The following ARID4B variants were observed in gnomAD, a reference collection of about 807,000 sequenced individuals.
ARID4B encodes the protein AT-rich interaction domain 4B.
In ARID4B, 26 loss-of-function variants were observed where a neutral mutation model predicts 147.5. The ratio of observed to expected loss-of-function variants is 0.18; its 90% CI spans 0.13 to 0.24. The LOEUF (loss-of-function observed/expected upper bound fraction) is 0.24, where lower values mean the gene tolerates loss of function less well. Ranked by LOEUF, ARID4B falls within the 10% of genes least tolerant of loss-of-function variation. The pLI, the probability that ARID4B is intolerant of heterozygous loss-of-function variation, is 1.00. For missense variants in ARID4B, 1,179 were observed against 1,511.5 expected (o/e 0.78, Z 3.65); for synonymous variants, 512 against 507.9 (o/e 1.01, Z -0.11).
intron 22 of ARID4B, among the ~76,000 whole-genome samples, chr1:235,173,742 T>TAAAAAAAA (rs755815257): frequency 3.8e-5 from 1 of 26,262 alleles, no homozygotes; most frequent in Non-Finnish European, 6.3e-5. Flanking sequence ...CGTCTCTATT[T>TAAAAAAAA]AAAAAAAAAA....
intron 18 of ARID4B, among the ~76,000 whole-genome samples, chr1:235,194,572 G>T (rs924371434): frequency 2.0e-5 from 3 of 152,252 alleles, no homozygotes; most frequent in African/African-American, 7.2e-5. Context: ...TGTAATCCCA[G>T]CACTTTGGGA....
At position 235,239,191 on chromosome 1, in the gene ARID4B, C is replaced by T. The variant is rs866021040; in HGVS notation, c.585+1122G>A. On this transcript the variant is annotated intron_variant, in intron 8 of 23. Transcript: ENST00000264183. ...TTTGCCCTGTTGGCCAGGCTGGTCT[C>T]GAACTCCTGACCTCAGGGGATTTGC... Among the ~76,000 whole-genome samples the T allele has an allele frequency of 1.2e-4, 18 of 152,074 alleles. No homozygotes were observed. The Middle Eastern group carries it at 0.02, about 172-fold the overall frequency.
At chr1:235,264,531 C>A (rs1017330948) in intron 2 of ARID4B, among the ~76,000 whole-genome samples, 36 of 152,184 alleles carry the variant, frequency 2.4e-4, no homozygotes, top group African/African-American at 8.4e-4. Context: ...ACTCCTTACA[C>A]CAACTAGATG....
chr1:235,289,156 G>C (rs539909130), intron 2 of ARID4B, among the ~76,000 whole-genome samples: 2 of 152,142 alleles, frequency 1.3e-5, no homozygotes, highest in Non-Finnish European at 2.9e-5. Context: ...CTGGCCAAAA[G>C]TCCAGCTAAA....
At chr1:235,276,769 A>AG (rs1045180808) in intron 2 of ARID4B, among the ~76,000 whole-genome samples, 1 of 152,002 alleles carries the variant, frequency 6.6e-6, no homozygotes, top group African/African-American at 2.4e-5. Flanking sequence ...AGGCCGAAGC[A>AG]GGGGGGATCA....
intron 9 of ARID4B, among the ~76,000 whole-genome samples, chr1:235,232,313 G>C (rs570689829): frequency 3.9e-5 from 6 of 152,048 alleles, no homozygotes; most frequent in African/African-American, 4.8e-5. Flanking sequence ...CCAGCTACTC[G>C]AGAGGCTGAG....
intron 2 of ARID4B, among the ~76,000 whole-genome samples, chr1:235,282,905 C>T (rs921789338): frequency 3.3e-5 from 5 of 152,242 alleles, no homozygotes; most frequent in South Asian, 4.1e-4. Flanking sequence ...CTCAGCCTCC[C>T]GAGTAGTTGG....
At chr1:235,219,383 A>G (rs1426359264) in intron 16 of ARID4B, among the ~76,000 whole-genome samples, 2 of 152,146 alleles carry the variant, frequency 1.3e-5, no homozygotes, top group Non-Finnish European at 2.9e-5. Flanking sequence ...AGAACATACA[A>G]TTTTTGGCCT....
chr1:235,236,655 A>G (rs1295831254), intron 8 of ARID4B, among the ~76,000 whole-genome samples: 2 of 149,688 alleles, frequency 1.3e-5, no homozygotes, highest in African/African-American at 4.9e-5. Flanking sequence ...CTGGGATTAT[A>G]GGCTCCCGCC....
At chr1:235,173,764 AAAAAAAAATATATATATATATATATATAT>A (rs1663582000) in intron 22 of ARID4B, among the ~76,000 whole-genome samples, 1 of 50,882 alleles carries the variant, frequency 2.0e-5, no homozygotes, top group African/African-American at 1.1e-4. Context: ...AAAAAAAAAA[AAAAAAAAATATATATATATATATATATAT>A]ATATATATAT....
rs1162408298 is a variant in ARID4B at position 235,252,917 on chromosome 1, A to T, written c.275-108T>A. 7 of 751,788 alleles carry T rather than the reference A, an allele frequency of 9.3e-6. No homozygotes were observed. In the Admixed American group the frequency reaches 1.9e-4, roughly 20 times the overall value. 46.6% of individuals were successfully genotyped at this position (751,788 alleles called of 1,614,324 possible). On this transcript the variant is annotated intron_variant, in intron 5 of 23. Transcript: ENST00000264183. The stretch of plus-strand genomic sequence containing the variant: ...GCAAACAGATCTACTATTTAAGACT[A>T]CATTTGGAATTCAATTCACATTTTA...
chr1:235,233,127 G>A (rs758025145), intron 9 of ARID4B, among the ~76,000 whole-genome samples: 3 of 152,216 alleles, frequency 2.0e-5, no homozygotes, highest in East Asian at 1.9e-4. Flanking sequence ...GTGAGCCACC[G>A]CGCCCAGCCT....
intron 2 of ARID4B, 102 bp from the exon 3 acceptor site, chr1:235,260,854 T>C (rs1359116908): frequency 2.7e-6 from 2 of 746,168 alleles, no homozygotes; most frequent in East Asian, 2.9e-5. Flanking sequence ...ACAACAGTTA[T>C]AAATATGAAA....
chr1:235,238,380 T>C (rs1027706180), intron 8 of ARID4B, among the ~76,000 whole-genome samples: 1 of 152,214 alleles, frequency 6.6e-6, no homozygotes, highest in Non-Finnish European at 1.5e-5. Flanking sequence ...TAATTATTTT[T>C]AGTAAGGGAG....
At chr1:235,278,764 T>C (rs1342093099) in intron 2 of ARID4B, among the ~76,000 whole-genome samples, 2 of 152,212 alleles carry the variant, frequency 1.3e-5, no homozygotes, top group Non-Finnish European at 2.9e-5. Flanking sequence ...AAGTCTTCAA[T>C]TGTCCTACCA....
In ARID4B at chr1:235,183,126, A is replaced by G. The variant is rs191199012; in HGVS notation, c.2126-333T>C. Among the ~76,000 whole-genome samples, 318 of 152,228 alleles carry G rather than the reference A, an allele frequency of 2.1e-3. 2 individuals are homozygous for G. The highest frequency in any genetic ancestry group is 7.3e-3 in the African/African-American group (301 of 41,510). Reference sequence around the variant, plus strand: ...AAGAAAAAAGCTTCTCCAAGTTTATATAAGTATAATATTTTTATCATAATA... The same window carrying G: ...AAGAAAAAAGCTTCTCCAAGTTTATGTAAGTATAATATTTTTATCATAATA... On this transcript the variant is annotated intron_variant, in intron 19 of 23. Transcript: ENST00000264183.
rs563834959 is a variant in ARID4B at position 235,199,611 on chromosome 1, G to A, written c.1842-3496C>T. Among the ~76,000 whole-genome samples the A allele has an allele frequency of 2.1e-3, 316 of 152,282 alleles. 1 individual carries two copies. Among genetic ancestry groups the A allele is most frequent in the African/African-American group, 7.5e-3 (312 of 41,578 alleles). On this transcript the variant is annotated intron_variant, in intron 17 of 23. Transcript: ENST00000264183. ...GAAAAGATTCTAACACGAAAATAACGGTAGGGGGCATTCCAGGCCCTATTC... is the reference window on the plus strand; with the variant it reads ...GAAAAGATTCTAACACGAAAATAACAGTAGGGGGCATTCCAGGCCCTATTC...
intron 17 of ARID4B, among the ~76,000 whole-genome samples, chr1:235,213,417 T>C (rs1309744795): frequency 6.6e-6 from 1 of 152,208 alleles, no homozygotes; most frequent in Non-Finnish European, 1.5e-5. Context: ...AAGAGGTTAC[T>C]GTGGCAATGT....
At chr1:235,274,143 C>G (rs1671161129) in intron 2 of ARID4B, among the ~76,000 whole-genome samples, 1 of 151,806 alleles carries the variant, frequency 6.6e-6, no homozygotes, top group South Asian at 2.1e-4. Flanking sequence ...GAGGCCAAGG[C>G]AGGTGGATCA....
Sources: gnomAD v4.1 joint callset for allele counts (sites outside exome capture counted in the v4.1 genomes callset) on GRCh38, gnomAD v4.1.1 for gene constraint, MANE v1.5 for transcripts, NCBI Gene and HGNC (gene_info 2026-07-23, HGNC 2026-07-21) for gene names.